UBE2D2: variants seen among roughly 807,000 people sequenced by gnomAD.
The protein encoded by UBE2D2 is ubiquitin conjugating enzyme E2 D2.
In UBE2D2, 2 loss-of-function variants were observed where a neutral mutation model predicts 24.2. The observed-to-expected ratio is 0.08, with a 90% CI of 0.03 to 0.26. UBE2D2 has a LOEUF of 0.26. Ranked by LOEUF, UBE2D2 falls within the 10% of genes least tolerant of loss-of-function variation. The pLI, the probability that UBE2D2 is intolerant of heterozygous loss-of-function variation, is 1.00. For synonymous variants in UBE2D2, 58 were observed against 56.5 expected, an observed-to-expected ratio of 1.03 and a Z score of -0.12; for missense variants, 44 against 177.6, an observed-to-expected ratio of 0.25 and a Z score of 4.28.
At chr5:139,592,054 T>C (rs1753856028) in intron 1 of UBE2D2, among the ~76,000 whole-genome samples, 2 of 151,946 alleles carry the variant, frequency 1.3e-5, no homozygotes, top group South Asian at 4.2e-4. Context: ...GTACAAAAAT[T>C]AGCCGGGCCT....
At chr5:139,529,305 C>T (rs1752573574) in intron 1 of UBE2D2, among the ~76,000 whole-genome samples, 1 of 151,914 alleles carries the variant, frequency 6.6e-6, no homozygotes, top group African/African-American at 2.4e-5. Flanking sequence ...CTAGGTGACA[C>T]AAGTAAAGTA....
chr5:139,544,357 G>A (rs570816699), intron 1 of UBE2D2, among the ~76,000 whole-genome samples: 14 of 150,704 alleles, frequency 9.3e-5, no homozygotes, highest in African/African-American at 3.2e-4. Flanking sequence ...GCGCGATCTC[G>A]GATCACCGCA....
At position 139,627,121 on chromosome 5, in the gene UBE2D2, G is replaced by T; in HGVS notation, c.*320G>T. ...GATAACAGCAAGGTGTGAGGGGGGTGGTGGGTATGGTGTGTGCTTGGATGG... is the reference window on the plus strand; with the variant it reads ...GATAACAGCAAGGTGTGAGGGGGGTTGTGGGTATGGTGTGTGCTTGGATGG... On this transcript the variant is annotated 3_prime_UTR_variant, in exon 7 of 7. Transcript: ENST00000398733. 1 of 268,022 alleles carries T rather than the reference G, an allele frequency of 3.7e-6. No individual in the cohort carries two copies. Among genetic ancestry groups the T allele is most frequent in the South Asian group, 4.9e-5 (1 of 20,324 alleles). The allele number at this position is 268,022 out of a possible 1,614,324, so 16.6% of individuals were successfully genotyped here. A position where few individuals can be genotyped will look rare whatever the true frequency, so the allele number is the denominator to read the frequency against.
intron 2 of UBE2D2, among the ~76,000 whole-genome samples, chr5:139,606,537 T>C (rs942862388): frequency 6.6e-6 from 1 of 152,172 alleles, no homozygotes; most frequent in Non-Finnish European, 1.5e-5. Flanking sequence ...ACATTTAAAC[T>C]CTCATAAAAC....
chr5:139,562,186 C>T, intron 1 of UBE2D2: 1 of 1,372,142 alleles, frequency 7.3e-7, no homozygotes. Flanking sequence ...GCCCCTTCGA[C>T]AGAGGTCGAA....
At chr5:139,530,276 G>T (rs890928772) in intron 1 of UBE2D2, among the ~76,000 whole-genome samples, 1 of 152,146 alleles carries the variant, frequency 6.6e-6, no homozygotes, top group African/African-American at 2.4e-5. Context: ...CAGAGCTTAT[G>T]CTAAGCTGCC....
chr5:139,564,488 C>G (rs1753176583), intron 1 of UBE2D2, among the ~76,000 whole-genome samples: 1 of 147,316 alleles, frequency 6.8e-6, no homozygotes, highest in African/African-American at 2.5e-5. Context: ...GAGTCTCCCT[C>G]TGTCGCCCAG....
At chr5:139,605,514 C>T (rs544073051) in intron 2 of UBE2D2, among the ~76,000 whole-genome samples, 1 of 147,398 alleles carries the variant, frequency 6.8e-6, no homozygotes, top group South Asian at 2.1e-4. Context: ...ATGGCGTGAA[C>T]CCGGGAGGTG....
chr5:139,576,118 G>A (rs572403872), intron 1 of UBE2D2, among the ~76,000 whole-genome samples: 2 of 152,332 alleles, frequency 1.3e-5, no homozygotes, highest in East Asian at 3.9e-4. Context: ...AATGGAGTGC[G>A]TGATTTTCTT....
intron 1 of UBE2D2, among the ~76,000 whole-genome samples, chr5:139,562,623 C>T (rs1314397314): frequency 1.3e-5 from 2 of 151,868 alleles, no homozygotes; most frequent in African/African-American, 4.8e-5. Flanking sequence ...ATGGACTTGA[C>T]GCTATTAGGT....
intron 1 of UBE2D2, among the ~76,000 whole-genome samples, chr5:139,586,914 A>C (rs531028355): frequency 6.6e-6 from 1 of 152,094 alleles, no homozygotes; most frequent in South Asian, 2.1e-4. Flanking sequence ...TTTAGTTTTT[A>C]TAAAAAAATC....
intron 5 of UBE2D2, among the ~76,000 whole-genome samples, chr5:139,616,225 C>T (rs1409438749): frequency 1.3e-5 from 2 of 151,582 alleles, no homozygotes; most frequent in African/African-American, 2.4e-5. Flanking sequence ...TTTGGGAGGC[C>T]GAGGCAGGAG....
intron 1 of UBE2D2, among the ~76,000 whole-genome samples, chr5:139,548,605 AATC>A (rs760320251): frequency 6.6e-6 from 1 of 152,030 alleles, no homozygotes; most frequent in African/African-American, 2.4e-5. Context: ...TTCTCACAAA[AATC>A]ATCATCATCA....
intron 1 of UBE2D2, among the ~76,000 whole-genome samples, chr5:139,597,491 A>G (rs536612228): frequency 1.3e-5 from 2 of 152,206 alleles, no homozygotes; most frequent in African/African-American, 4.8e-5. Context: ...TGGATCTTGT[A>G]TTCTGCTTAG....
Position 139,538,081 on chromosome 5 carries a change from G to A in UBE2D2, c.-64+11469G>A, listed in dbSNP as rs557197806. On this transcript the variant is annotated intron_variant, in intron 1 of 6. Coordinates refer to the UBE2D2 transcript ENST00000511725. Reference sequence around the variant, plus strand: ...GAGTCTCACTCTTTCACCTTGGGCTGGAGTGCAATGGCAGGATCTTGGCTC... The same window carrying A: ...GAGTCTCACTCTTTCACCTTGGGCTAGAGTGCAATGGCAGGATCTTGGCTC... Among the ~76,000 whole-genome samples, 3 of 152,174 alleles carry A rather than the reference G, an allele frequency of 2.0e-5. No homozygotes were observed. The South Asian group carries it at 6.2e-4, about 32-fold the overall frequency.
rs186807398 is a variant in UBE2D2, at chr5:139,615,312, G to A, written c.304+346G>A. ...ATCCTGGCTAACATGGTGAAACCCC[G>A]TCTCTACTAAAAATACAAAAAAATT... On this transcript the variant is annotated intron_variant, in intron 5 of 6. Coordinates refer to ENST00000398733, the MANE Select transcript of UBE2D2 (RefSeq NM_003339.3). Among the ~76,000 whole-genome samples, 1,211 of 152,144 alleles carry A rather than the reference G, an allele frequency of 8.0e-3. 9 individuals are homozygous for A. The highest frequency in any genetic ancestry group is 0.041 in the Middle Eastern group (12 of 294).
Position 139,627,691 on chromosome 5 carries a change from A to G in UBE2D2, c.*890A>G, listed in dbSNP as rs1754661839. 6.6e-6 allele frequency: 1 copy of G among 152,658 alleles called. No individual in the cohort carries two copies. Among genetic ancestry groups the G allele is most frequent in the Non-Finnish European group, 1.5e-5 (1 of 68,038 alleles). The allele number at this position is 152,658 out of a possible 1,614,324, so 9.5% of individuals were successfully genotyped here. On this transcript the variant is annotated 3_prime_UTR_variant, in exon 7 of 7. Coordinates refer to ENST00000398733, the MANE Select transcript of UBE2D2 (RefSeq NM_003339.3). Reference sequence around the variant, plus strand: ...ACTGGTTACTACAGTCATTACATATAATTTTGTGTGAATAGGCTTTTTCAT... The same window carrying G: ...ACTGGTTACTACAGTCATTACATATGATTTTGTGTGAATAGGCTTTTTCAT...
intron 1 of UBE2D2, among the ~76,000 whole-genome samples, chr5:139,553,890 G>C (rs566680725): frequency 9.2e-5 from 14 of 151,864 alleles, no homozygotes; most frequent in Non-Finnish European, 1.8e-4. Flanking sequence ...AGCGATTCTC[G>C]TGCCTCAGCC....
chr5:139,621,144 G>A (rs530131342), intron 5 of UBE2D2, among the ~76,000 whole-genome samples: 2 of 152,218 alleles, frequency 1.3e-5, no homozygotes, highest in Non-Finnish European at 2.9e-5. Flanking sequence ...CCTGGAGAGT[G>A]AGGTGGGAGG....
Sources: allele counts gnomAD v4.1 joint callset (sites outside exome capture counted in the v4.1 genomes callset), GRCh38; gene constraint gnomAD v4.1.1; transcripts MANE v1.5; gene names NCBI Gene and HGNC (gene_info 2026-07-23, HGNC 2026-07-21).